Variants in VPS37A observed in about 807,000 individuals in gnomAD.
VPS37A encodes the protein VPS37A subunit of ESCRT-I, also known as vacuolar protein sorting-associated protein 37A.
Under a neutral mutation model 49.8 loss-of-function variants are expected in VPS37A, and 30 were observed. The ratio of observed to expected loss-of-function variants is 0.60; its 90% CI spans 0.45 to 0.82. The LOEUF (loss-of-function observed/expected upper bound fraction) is 0.82. VPS37A is among the 40% of genes least tolerant of loss of function. The probability of loss-of-function intolerance (pLI) is 0.00; values close to 1 mark genes in which losing one functional copy is unlikely to be tolerated. For missense variants in VPS37A, 593 were observed against 464.4 expected (o/e 1.28, Z -2.55); for synonymous variants, 195 against 160.6 (o/e 1.21, Z -1.62).
the VPS37A span, among the ~76,000 whole-genome samples, chr8:17,313,642 T>C: frequency 1.3e-5 from 2 of 152,176 alleles, no homozygotes; most frequent in African/African-American, 2.4e-5. Flanking sequence ...AAGTATTATA[T>C]ATATGTAAGG....
At chr8:17,284,096 G>A (rs187504270) in intron 9 of VPS37A, among the ~76,000 whole-genome samples, 32 of 152,208 alleles carry the variant, frequency 2.1e-4, no homozygotes, top group Admixed American at 2.1e-3. Flanking sequence ...GAGTCGTCAG[G>A]TTCAGCCCAC....
chr8:17,331,838 A>G, the VPS37A span, among the ~76,000 whole-genome samples: 16 of 152,206 alleles, frequency 1.1e-4, no homozygotes, highest in Admixed American at 1.0e-3. Context: ...AGGGAATGCA[A>G]CCAAGTCTCC....
At chr8:17,320,998 C>CTTT in the VPS37A span, among the ~76,000 whole-genome samples, 3 of 151,430 alleles carry the variant, frequency 2.0e-5, no homozygotes, top group Non-Finnish European at 4.4e-5. Context: ...CTCTTGCAGT[C>CTTT]TTTTTTTTTA....
rs1585881721 is a variant in VPS37A, at chr8:17,247,008, A to G, written c.-237A>G. ...GCCGGTTTGGGCGTCTGGGCCGTGAAGGTGGGACCTCCTGTTCCGGGCCGC... is the reference window on the plus strand; with the variant it reads ...GCCGGTTTGGGCGTCTGGGCCGTGAGGGTGGGACCTCCTGTTCCGGGCCGC... On this transcript the variant is annotated 5_prime_UTR_variant, in exon 1 of 12. Coordinates refer to ENST00000324849, the MANE Select transcript of VPS37A (RefSeq NM_152415.3). The G allele has an allele frequency of 9.0e-6, 5 of 557,228 alleles. No homozygotes were observed. The highest frequency in any genetic ancestry group is 1.3e-5 in the Non-Finnish European group (4 of 315,866). The allele number at this position is 557,228 out of a possible 1,614,324, so 34.5% of individuals were successfully genotyped here.
chr8:17,278,680 A>G (rs1452413123), intron 6 of VPS37A, among the ~76,000 whole-genome samples: 1 of 152,084 alleles, frequency 6.6e-6, no homozygotes, highest in Non-Finnish European at 1.5e-5. Context: ...AGATTATTGA[A>G]TGCAGGTTAA....
the VPS37A span, among the ~76,000 whole-genome samples, chr8:17,317,422 G>C: frequency 6.6e-6 from 1 of 152,128 alleles, no homozygotes; most frequent in African/African-American, 2.4e-5. Context: ...AGGACAGCTG[G>C]GGCAGTAACC....
At chr8:17,331,231 T>G in the VPS37A span, 2 of 1,612,516 alleles carry the variant, frequency 1.2e-6, no homozygotes, top group African/African-American at 1.3e-5. Flanking sequence ...TTGGAATAAT[T>G]GTCTTCATTC....
intron 9 of VPS37A, among the ~76,000 whole-genome samples, chr8:17,281,728 C>T (rs190285282): frequency 1.6e-4 from 24 of 152,058 alleles, no homozygotes; most frequent in Admixed American, 1.4e-3. Context: ...TTCTAGAGAA[C>T]TGAGAAATTT....
the VPS37A span, among the ~76,000 whole-genome samples, chr8:17,310,300 C>A: frequency 6.6e-6 from 1 of 152,130 alleles, no homozygotes; most frequent in African/African-American, 2.4e-5. Context: ...CACACCCAGC[C>A]TGGATTTTAA....
At chr8:17,276,673 A>T (rs1268579336) in intron 6 of VPS37A, among the ~76,000 whole-genome samples, 1 of 152,134 alleles carries the variant, frequency 6.6e-6, no homozygotes, top group Non-Finnish European at 1.5e-5. Flanking sequence ...AGGGATTTTT[A>T]TAGGATTTTT....
chr8:17,282,018 A>T (rs1053253154), intron 9 of VPS37A, among the ~76,000 whole-genome samples: 12 of 151,918 alleles, frequency 7.9e-5, no homozygotes, highest in African/African-American at 9.6e-5. Context: ...TGCCAAGAAT[A>T]TTTTTTTTAT....
At chr8:17,331,424 CCTTGTA>C in the VPS37A span, 1 of 836,318 alleles carries the variant, frequency 1.2e-6, no homozygotes, top group Non-Finnish European at 1.8e-6. Context: ...ATCACTGCAA[CCTTGTA>C]CTGAACTACA....
chr8:17,261,541 A>G (rs780406767), intron 1 of VPS37A, among the ~76,000 whole-genome samples: 27 of 152,124 alleles, frequency 1.8e-4, no homozygotes, highest in East Asian at 3.9e-4. Flanking sequence ...ATGTGCGTCT[A>G]TGTCTTTACT....
the VPS37A span, among the ~76,000 whole-genome samples, chr8:17,316,979 T>C: frequency 6.6e-6 from 1 of 152,188 alleles, no homozygotes; most frequent in Non-Finnish European, 1.5e-5. Flanking sequence ...GTTGGGAAAG[T>C]TCCTTTTCCC....
chr8:17,287,380 T>C (rs962826539), intron 11 of VPS37A, among the ~76,000 whole-genome samples: 1 of 152,126 alleles, frequency 6.6e-6, no homozygotes, highest in African/African-American at 2.4e-5. Flanking sequence ...TATTCTTTTT[T>C]AAAATTTTTT....
chr8:17,274,734 C>A lies in VPS37A; in HGVS notation c.418C>A (p.Leu140Ile). 6.2e-7 allele frequency: 1 copy of A among 1,611,372 alleles called. No homozygotes were observed. Among genetic ancestry groups the A allele is most frequent in the South Asian group, 1.1e-5 (1 of 90,974 alleles). The part of the protein sequence containing the change: ...LAPTSTAFPY[L>I]YSNPSGMSPY... ...ATGATCTTCTCTTTTTCTTTTCAGT[C>A]TATACAGTAACCCAAGTGGGATGTC... The change falls in exon 5 of 12, where the codon CTA becomes ATA. Residue 140 changes from leucine (L) to isoleucine (I), a missense_variant and splice_region_variant. Coordinates refer to ENST00000324849, the MANE Select transcript of VPS37A (RefSeq NM_152415.3).
intron 6 of VPS37A, among the ~76,000 whole-genome samples, chr8:17,277,277 C>A (rs1442711904): frequency 6.6e-6 from 1 of 152,064 alleles, no homozygotes; most frequent in Non-Finnish European, 1.5e-5. Context: ...TGAATATTTA[C>A]AATATACTGC....
At chr8:17,319,928 A>G in the VPS37A span, among the ~76,000 whole-genome samples, 1 of 152,168 alleles carries the variant, frequency 6.6e-6, no homozygotes, top group South Asian at 2.1e-4. Context: ...CACTAGTCAC[A>G]TGTGGCTACG....
chr8:17,257,220 A>C (rs572892557), intron 1 of VPS37A, among the ~76,000 whole-genome samples: 1 of 152,250 alleles, frequency 6.6e-6, no homozygotes, highest in African/African-American at 2.4e-5. Context: ...GCTTTTGTTA[A>C]GATGAGTTGG....
Sources: allele counts gnomAD v4.1 joint callset (sites outside exome capture counted in the v4.1 genomes callset), GRCh38; gene constraint gnomAD v4.1.1; transcripts MANE v1.5; gene names NCBI Gene and HGNC (gene_info 2026-07-23, HGNC 2026-07-21).